Variants in EXTL2 observed in about 807,000 individuals in gnomAD.
EXTL2 encodes the protein exostosin like glycosyltransferase 2, also known as exostosin-like 2.
EXTL2 carries 23 observed loss-of-function variants against 30.7 expected under a neutral mutation model. The observed-to-expected ratio is 0.75, with a 90% CI of 0.54 to 1.06. The LOEUF (loss-of-function observed/expected upper bound fraction) is 1.06. EXTL2 is among the 50% of genes least tolerant of loss of function. The pLI, the probability that EXTL2 is intolerant of heterozygous loss-of-function variation, is 0.00. For missense variants in EXTL2, 352 were observed against 396.3 expected (o/e 0.89, Z 0.95); for synonymous variants, 123 against 133.8 (o/e 0.92, Z 0.56).
chr1:100,876,995 T>C, intron 3 of EXTL2, 131 bp from the exon 4 acceptor site: 1 of 605,784 alleles, frequency 1.7e-6, no homozygotes, highest in Non-Finnish European at 2.9e-6. Flanking sequence ...AGCAATGTAT[T>C]CTTGGGGAGA....
At position 100,877,874 on chromosome 1, in the gene EXTL2, C is replaced by T; in HGVS notation, c.35G>A (p.Arg12Lys). The T allele has an allele frequency of 6.3e-7, 1 of 1,598,980 alleles. No individual in the cohort carries two copies. ...TCGAAGCACTCGAATCCCCATTACT[C>T]TCCCAGGAAGTTTGCAGATGTGGCA... is the stretch of plus-strand genomic sequence containing the variant. ...RCCHICKLPG[R>K]VMGIRVLRLS... The change falls in exon 3 of 5, where the codon AGA (arginine) becomes AAA (lysine). Residue 12 changes from arginine (R) to lysine (K), a missense_variant. By Grantham distance (26) the Arg-to-Lys change is conservative. Transcript: ENST00000370114. The surrounding 1 kb of genome is among the most constrained non-coding windows in gnomAD (Gnocchi z 4.1).
At position 100,877,389 on chromosome 1, in the gene EXTL2, G is replaced by T. The variant is rs376026511; in HGVS notation, c.433+87C>A. The T allele has an allele frequency of 1.2e-5, 15 of 1,250,586 alleles. No individual in the cohort carries two copies. In the East Asian group the frequency reaches 2.1e-4, roughly 18 times the overall value. 77.5% of individuals were successfully genotyped at this position (1,250,586 alleles called of 1,614,324 possible). A position where few individuals can be genotyped will look rare whatever the true frequency, so the allele number is the denominator to read the frequency against. On this transcript the variant is annotated intron_variant, in intron 3 of 4. Coordinates refer to ENST00000370114, the MANE Select transcript of EXTL2 (RefSeq NM_001033025.3). This position sits in a 1 kb window ranked among gnomAD's most constrained non-coding sequence, Gnocchi z 4.1. ...AACTTCCTTCATTTTTCTCCAGACG[G>T]TTAAGCAGAAGGCCAGAAATTCACA...
intron 2 of EXTL2, among the ~76,000 whole-genome samples, chr1:100,882,137 C>G (rs1160333599): frequency 6.6e-6 from 1 of 152,220 alleles, no homozygotes; most frequent in Non-Finnish European, 1.5e-5. Context: ...TTCCACAAAA[C>G]AGGTCCCTGG....
chr1:100,891,443 T>C (rs1164507358), intron 1 of EXTL2, among the ~76,000 whole-genome samples: 1 of 152,196 alleles, frequency 6.6e-6, no homozygotes, highest in Non-Finnish European at 1.5e-5. Context: ...TTAGTGTTAC[T>C]CAAATCAGCC....
intron 1 of EXTL2, 68 bp from the exon 2 acceptor site, chr1:100,888,896 CA>C: frequency 1.8e-6 from 1 of 552,002 alleles, no homozygotes; most frequent in Admixed American, 2.9e-5. Flanking sequence ...AAAAACAAAA[CA>C]AAAAATGGTG....
chr1:100,888,540 G>T, intron 2 of EXTL2: 1 of 366,772 alleles, frequency 2.7e-6, no homozygotes, highest in Admixed American at 4.5e-5. Context: ...GCAGTTGCCA[G>T]GGGCTGGGAG....
chr1:100,874,034 C>G lies in EXTL2; in HGVS notation c.901G>C (p.Val301Leu). ...AAGGGCATGCTATCATAGATATTAA[C>G]AAGCTTATTTATACAATAAGACCTC... Reference protein sequence around the residue: ...LQRSYCINKLVNIYDSMPLRY... With the variant: ...LQRSYCINKLLNIYDSMPLRY... The change falls in exon 5 of 5, where the codon GTT becomes CTT. Residue 301 changes from valine to leucine, a missense_variant. Physicochemically the swap from Val to Leu is conservative, Grantham distance 32. Transcript: ENST00000370114. The G allele has an allele frequency of 6.2e-7, 1 of 1,613,052 alleles. No homozygotes were observed. The highest frequency in any genetic ancestry group is 8.5e-7 in the Non-Finnish European group (1 of 1,179,424).
rs1169582985 is a variant in EXTL2, at chr1:100,874,320, A to AC, written c.614dup (p.Asp206Ter). The AC allele has an allele frequency of 1.2e-6, 2 of 1,612,960 alleles. No individual in the cohort carries two copies. The highest frequency in any genetic ancestry group is 4.5e-5 in the East Asian group (2 of 44,850). The stretch of plus-strand genomic sequence containing the variant: ...CAATCAGCACCATAGAGTACTGGTC[A>AC]CCATTTCCAGACCCTGGTGCTTGCA... On this transcript the variant is annotated frameshift_variant, in exon 5 of 5. Transcript: ENST00000370114. LOFTEE classifies it high-confidence loss of function.
intron 1 of EXTL2, among the ~76,000 whole-genome samples, chr1:100,893,756 C>T (rs1281253619): frequency 2.0e-5 from 3 of 152,164 alleles, no homozygotes; most frequent in African/African-American, 7.2e-5. Context: ...TTTTATATTG[C>T]AAATAAAATG....
At chr1:100,878,436 C>G (rs764681637) in intron 2 of EXTL2, 101 of 471,030 alleles carry the variant, frequency 2.1e-4, no homozygotes, top group Non-Finnish European at 3.3e-4. Flanking sequence ...TGTGCCACCA[C>G]TGTTCCAGGT....
At chr1:100,880,835 AGT>A in intron 2 of EXTL2, 1 of 364,378 alleles carries the variant, frequency 2.7e-6, no homozygotes, top group Non-Finnish European at 3.8e-6. Flanking sequence ...CTTACATAGA[AGT>A]GTTTCTGATC....
chr1:100,894,211 A>G (rs1209201978), intron 1 of EXTL2, among the ~76,000 whole-genome samples: 1 of 152,126 alleles, frequency 6.6e-6, no homozygotes, highest in East Asian at 1.9e-4. Context: ...AGAAAAATCC[A>G]ATTACCATAG....
Position 100,874,214 on chromosome 1 carries a change from G to T in EXTL2, c.721C>A (p.Gln241Lys). Residue 241 changes from glutamine (Q) to lysine (K), a missense_variant, in exon 5 of 5, where the codon CAA (glutamine) becomes AAA (lysine). By Grantham distance (53) the Gln-to-Lys change is moderately conservative. Coordinates refer to ENST00000370114, the MANE Select transcript of EXTL2 (RefSeq NM_001033025.3). ...AAVHALIDDT[Q>K]NCDDIAMNFI... ...TTCATGGCAATATCATCACAGTTTT[G>T]AGTATCATCTATCAAAGCATGGACA... 2.5e-6 allele frequency: 4 copies of T among 1,612,816 alleles called. No individual in the cohort carries two copies. The highest frequency in any genetic ancestry group is 3.4e-6 in the Non-Finnish European group (4 of 1,179,404).
intron 2 of EXTL2, among the ~76,000 whole-genome samples, chr1:100,884,518 A>G (rs1649813636): frequency 6.6e-6 from 1 of 152,188 alleles, no homozygotes; most frequent in African/African-American, 2.4e-5. Context: ...TGGCATGCAG[A>G]TAACCAACAC....
Position 100,877,088 on chromosome 1 carries a change from C to T in EXTL2, c.434-224G>A, listed in dbSNP as rs995776552. On this transcript the variant is annotated intron_variant, in intron 3 of 4. Transcript: ENST00000370114. The surrounding 1 kb of genome is among the most constrained non-coding windows in gnomAD (Gnocchi z 4.1). ...GGGAAAATAATCAAGCAGTTATTAT[C>T]CATCATCCTAGAAACTATTGGGCCT... Among the ~76,000 whole-genome samples, 1 of 152,066 alleles carries T rather than the reference C, an allele frequency of 6.6e-6. No individual in the cohort carries two copies. Among genetic ancestry groups the T allele is most frequent in the Middle Eastern group, 3.4e-3 (1 of 294 alleles).
intron 2 of EXTL2, among the ~76,000 whole-genome samples, chr1:100,887,822 C>G (rs1165915092): frequency 6.6e-6 from 1 of 152,128 alleles, no homozygotes; most frequent in Non-Finnish European, 1.5e-5. Context: ...CCTCAGCCTC[C>G]CGAGTAGCTG....
At chr1:100,878,691 T>A (rs2100926880) in intron 2 of EXTL2, among the ~76,000 whole-genome samples, 1 of 152,272 alleles carries the variant, frequency 6.6e-6, no homozygotes, top group Non-Finnish European at 1.5e-5. Context: ...TGGAGAGTTC[T>A]TGGATCTAAT....
intron 2 of EXTL2, among the ~76,000 whole-genome samples, chr1:100,881,350 T>C (rs1649539514): frequency 6.6e-6 from 1 of 152,220 alleles, no homozygotes. Flanking sequence ...GGCGTTCTTC[T>C]GTTCTTCTTT....
At position 100,889,261 on chromosome 1, in the gene EXTL2, C is replaced by T. The variant is rs577445272; in HGVS notation, c.-71-433G>A. Among the ~76,000 whole-genome samples the T allele has an allele frequency of 8.9e-4, 136 of 152,302 alleles. 1 individual carries two copies. Among genetic ancestry groups the T allele is most frequent in the Admixed American group, 1.9e-3 (29 of 15,310 alleles). ...ACAGGAAAAACTGCCACTTTTATAACCATCAGATCTTGTGAGAACTCACTC... is the reference window on the plus strand; with the variant it reads ...ACAGGAAAAACTGCCACTTTTATAATCATCAGATCTTGTGAGAACTCACTC... On this transcript the variant is annotated intron_variant, in intron 1 of 4. Transcript: ENST00000370114.
Sources: gnomAD v4.1 joint callset for allele counts (sites outside exome capture counted in the v4.1 genomes callset) on GRCh38, gnomAD v4.1.1 for gene constraint, Gnocchi (gnomAD v3.1) non-coding constraint, MANE v1.5 for transcripts, NCBI Gene and HGNC (gene_info 2026-07-23, HGNC 2026-07-21) for gene names.